LARGE1: variants seen among roughly 807,000 people sequenced by gnomAD.
The protein encoded by LARGE1 is LARGE xylosyl- and glucuronyltransferase 1.
Under a neutral mutation model 87.6 loss-of-function variants are expected in LARGE1, and 43 were observed. The observed-to-expected ratio is 0.49, with a 90% CI of 0.38 to 0.63. The LOEUF is 0.63. Ranked by LOEUF, LARGE1 falls within the 30% of genes least tolerant of loss-of-function variation. The probability of loss-of-function intolerance (pLI) is 0.00; values close to 1 mark genes in which losing one functional copy is unlikely to be tolerated. For missense variants in LARGE1, 802 were observed against 1,000.2 expected (o/e 0.80, Z 2.67); for synonymous variants, 434 against 394.6 (o/e 1.10, Z -1.18).
chr22:33,471,958 G>A (rs2068860517), intron 6 of LARGE1, among the ~76,000 whole-genome samples: 1 of 152,142 alleles, frequency 6.6e-6, no homozygotes, highest in South Asian at 2.1e-4. Flanking sequence ...GCTGAGGCAG[G>A]AGAATTGTTT....
chr22:33,572,181 T>C (rs1055693466), intron 5 of LARGE1: 16 of 1,286,618 alleles, frequency 1.2e-5, no homozygotes, highest in Non-Finnish European at 1.6e-5. Flanking sequence ...CAAATCACCT[T>C]GACATATTTT....
chr22:33,337,937 C>T, intron 9 of LARGE1, 136 bp from the exon 10 acceptor site: 1 of 1,005,276 alleles, frequency 9.9e-7, no homozygotes, highest in Non-Finnish European at 1.5e-6. Context: ...AACATTTTGG[C>T]AGAGTGGTTA....
chr22:33,822,771 G>A (rs995369113), intron 1 of LARGE1, among the ~76,000 whole-genome samples: 3 of 152,186 alleles, frequency 2.0e-5, no homozygotes, highest in Non-Finnish European at 4.4e-5. Flanking sequence ...AAGTCGTTAA[G>A]GCTATCAGAA....
intron 13 of LARGE1, among the ~76,000 whole-genome samples, chr22:33,277,786 A>G (rs994002204): frequency 6.6e-6 from 1 of 152,184 alleles, no homozygotes; most frequent in African/African-American, 2.4e-5. Flanking sequence ...CAGCTGCAGG[A>G]AACCCTAATC....
chr22:33,895,991 C>A (rs1299278884), intron 1 of LARGE1, among the ~76,000 whole-genome samples: 2 of 152,146 alleles, frequency 1.3e-5, no homozygotes, highest in African/African-American at 4.8e-5. Flanking sequence ...TAGAATCACA[C>A]ACATTCCTAT....
At chr22:33,445,642 G>A (rs900340823) in intron 6 of LARGE1, among the ~76,000 whole-genome samples, 3 of 150,262 alleles carry the variant, frequency 2.0e-5, no homozygotes, top group Non-Finnish European at 4.4e-5. Flanking sequence ...GTTCTAAGGG[G>A]GCCACTTTTT....
chr22:33,443,798 G>A (rs1382211747), intron 6 of LARGE1, among the ~76,000 whole-genome samples: 1 of 152,118 alleles, frequency 6.6e-6, no homozygotes, highest in African/African-American at 2.4e-5. Context: ...TTTGGAAATG[G>A]GAAAAACTAA....
At chr22:33,650,738 G>A (rs1323516524) in intron 2 of LARGE1, 70 bp from the exon 3 acceptor site, 1 of 1,553,238 alleles carries the variant, frequency 6.4e-7, no homozygotes, top group Non-Finnish European at 8.7e-7. Flanking sequence ...AAGTTCCCCA[G>A]ACATCCCTTA....
intron 1 of LARGE1, among the ~76,000 whole-genome samples, chr22:33,815,186 G>A (rs1367739337): frequency 6.6e-6 from 1 of 152,134 alleles, no homozygotes; most frequent in African/African-American, 2.4e-5. Context: ...GGCACAGTCT[G>A]GCAGCCTAGC....
chr22:33,786,266 C>A (rs1454510648), intron 1 of LARGE1, among the ~76,000 whole-genome samples: 1 of 152,106 alleles, frequency 6.6e-6, no homozygotes, highest in African/African-American at 2.4e-5. Flanking sequence ...CAAAGGAGCA[C>A]CAAAGTTCTT....
chr22:33,326,238 C>T (rs541046098), intron 10 of LARGE1, among the ~76,000 whole-genome samples: 1 of 152,302 alleles, frequency 6.6e-6, no homozygotes, highest in South Asian at 2.1e-4. Flanking sequence ...AAGAAAAAGG[C>T]TTGGTCTCCT....
intron 11 of LARGE1, among the ~76,000 whole-genome samples, chr22:33,188,225 T>C (rs998913509): frequency 6.6e-6 from 1 of 152,178 alleles, no homozygotes; most frequent in Non-Finnish European, 1.5e-5. Context: ...TATTTTGTTA[T>C]AGCAATCCAG....
intron 2 of LARGE1, among the ~76,000 whole-genome samples, chr22:33,689,166 TCC>T: frequency 7.8e-6 from 1 of 128,984 alleles, no homozygotes; most frequent in South Asian, 2.4e-4. Flanking sequence ...TCTCTCTCTC[TCC>T]CCCCTCCTGT....
intron 3 of LARGE1, among the ~76,000 whole-genome samples, chr22:33,640,995 C>T (rs963815938): frequency 6.6e-6 from 1 of 152,172 alleles, no homozygotes; most frequent in African/African-American, 2.4e-5. Flanking sequence ...ACAGCTTCAG[C>T]GGACTTAAAC....
At chr22:33,086,840 C>A in the LARGE1 span, among the ~76,000 whole-genome samples, 2 of 152,108 alleles carry the variant, frequency 1.3e-5, no homozygotes, top group South Asian at 4.1e-4. Context: ...CGTGAGCCAC[C>A]AAACCCAGCC....
intron 1 of LARGE1, among the ~76,000 whole-genome samples, chr22:33,796,527 G>C (rs1479920236): frequency 6.6e-6 from 1 of 152,040 alleles, no homozygotes; most frequent in African/African-American, 2.4e-5. Context: ...CAGAAGACTC[G>C]TAAGAAAAGC....
chr22:33,853,521 C>T (rs1199306109), intron 1 of LARGE1, among the ~76,000 whole-genome samples: 1 of 152,162 alleles, frequency 6.6e-6, no homozygotes, highest in Non-Finnish European at 1.5e-5. Context: ...TATTTTCAAA[C>T]CCCAGCTGCA....
chr22:33,274,441 C>A lies in LARGE1; in HGVS notation c.2257G>T (p.Glu753Ter). Reference protein sequence around the residue: ...GFAALKYLTAENNS With the variant: ...GFAALKYLTA Reference sequence around the variant, plus strand: ...GCTTCTTGGTGCTAGCTGTTGTTCTCGGCTGTGAGATATTTCAGGGCAGCA... The same window carrying A: ...GCTTCTTGGTGCTAGCTGTTGTTCTAGGCTGTGAGATATTTCAGGGCAGCA... Residue 753 changes from glutamate (E) to a stop codon, truncating the protein, a stop_gained, in exon 15 of 15, where the codon GAG (glutamate) becomes TAG (stop). Transcript: ENST00000397394. LOFTEE classifies it high-confidence loss of function. The A allele has an allele frequency of 6.2e-7, 1 of 1,614,172 alleles. No homozygotes were observed. The highest frequency in any genetic ancestry group is 8.5e-7 in the Non-Finnish European group (1 of 1,180,026).
chr22:33,437,025 G>A (rs377623698), intron 6 of LARGE1, among the ~76,000 whole-genome samples: 22 of 152,180 alleles, frequency 1.4e-4, no homozygotes, highest in African/African-American at 5.3e-4. Context: ...TGCATATGGG[G>A]AAATAATATA....
Sources: allele counts gnomAD v4.1 joint callset (sites outside exome capture counted in the v4.1 genomes callset), GRCh38; gene constraint gnomAD v4.1.1; transcripts MANE v1.5; gene names NCBI Gene and HGNC (gene_info 2026-07-23, HGNC 2026-07-21).